The following KRT1 variants were observed in gnomAD, a reference collection of about 807,000 sequenced individuals.
KRT1 encodes the protein keratin, type II cytoskeletal 1.
Under a neutral mutation model 51.6 loss-of-function variants are expected in KRT1, and 28 were observed. The observed-to-expected ratio is 0.54, with a 90% confidence interval of 0.40 to 0.74. The LOEUF is 0.74. Among genes scored for constraint, KRT1 ranks in the 30% least tolerant of loss-of-function variants. The pLI, the probability that KRT1 is intolerant of heterozygous loss-of-function variation, is 0.00. For synonymous variants in KRT1, 301 were observed against 307.7 expected (o/e 0.98, Z 0.23); for missense variants, 783 against 815.5 (o/e 0.96, Z 0.49).
chr12:52,676,894 C>T (rs771384625), intron 6 of KRT1, among the ~76,000 whole-genome samples, 165 bp downstream of exon 6: 1 of 152,212 alleles, frequency 6.6e-6, no homozygotes, highest in Non-Finnish European at 1.5e-5. Context: ...GAGAACCCAG[C>T]ATGATGGCTG....
At chr12:52,676,939 A>C in intron 6 of KRT1, 120 bp downstream of exon 6, 1 of 1,336,706 alleles carries the variant, frequency 7.5e-7, no homozygotes, top group Non-Finnish European at 1.1e-6. Flanking sequence ...AAAAGGAACC[A>C]GGGATAATAA....
chr12:52,676,188 A>G, intron 7 of KRT1, 87 bp downstream of exon 7: 2 of 1,116,442 alleles, frequency 1.8e-6, no homozygotes, highest in Non-Finnish European at 2.7e-6. Flanking sequence ...ACAAGCTGCA[A>G]TCAGATGGCT....
intron 6 of KRT1, 77 bp downstream of exon 6, chr12:52,676,982 C>G: frequency 6.3e-7 from 1 of 1,578,266 alleles, no homozygotes; most frequent in Non-Finnish European, 8.6e-7. Context: ...AGATTCAAAA[C>G]TAGGAAAGCA....
rs1243164385 is a variant in KRT1, at chr12:52,680,167, C to A, written c.182G>T (p.Gly61Val). ...GTTAACAAGACTCCGACTTCCAAATCCACCACCAGCACCAAAGCTACCACC... is the reference window on the plus strand; with the variant it reads ...GTTAACAAGACTCCGACTTCCAAATACACCACCAGCACCAAAGCTACCACC... ...GGGGSFGAGG[G>V]FGSRSLVNLG... Residue 61 changes from glycine (G) to valine (V), a missense_variant, in exon 1 of 9, where the codon GGA (glycine) becomes GTA (valine). Gly to Val is a moderately radical substitution (Grantham distance 109). Coordinates refer to ENST00000252244, the MANE Select transcript of KRT1 (RefSeq NM_006121.4). 8 of 1,610,054 alleles carry A rather than the reference C, an allele frequency of 5.0e-6. No individual in the cohort carries two copies. In the African/African-American group the frequency reaches 1.1e-4, roughly 22 times the overall value.
At chr12:52,678,812 G>C in intron 1 of KRT1, 56 bp from the exon 2 acceptor site, 1 of 1,482,578 alleles carries the variant, frequency 6.7e-7, no homozygotes, top group Admixed American at 1.8e-5. Context: ...CATAGCCATG[G>C]AGAACTGTGC....
rs1288256987 is a variant in KRT1 at position 52,680,310 on chromosome 12, A to C, written c.39T>G (p.Ser13Arg). ...RQFSSRSGYR[S>R]GGGFSSGSAG... ...CAGAGCCAGAGCTGAAGCCCCCTCC[A>C]CTTCGGTACCCAGACCTGGAACTAA... Residue 13 changes from serine (S) to arginine (R), a missense_variant, in exon 1 of 9, where the codon AGT (serine) becomes AGG (arginine). By Grantham distance (110) the Ser-to-Arg change is moderately radical. Transcript: ENST00000252244. 6.2e-7 allele frequency: 1 copy of C among 1,614,064 alleles called. No homozygotes were observed. Among genetic ancestry groups the C allele is most frequent in the South Asian group, 1.1e-5 (1 of 91,074 alleles).
Position 52,678,236 on chromosome 12 carries a change from A to C in KRT1, c.807-13T>G. 1 of 1,613,788 alleles carries C rather than the reference A, an allele frequency of 6.2e-7. No homozygotes were observed. Among genetic ancestry groups the C allele is most frequent in the Non-Finnish European group, 8.5e-7 (1 of 1,179,846 alleles). On this transcript the variant is annotated splice_polypyrimidine_tract_variant and intron_variant, in intron 2 of 8. Coordinates refer to ENST00000252244, the MANE Select transcript of KRT1 (RefSeq NM_006121.4). ...TTCATCCTCATACCTGCAGGAAAGC[A>C]GAAACAATTAGGAGATTCAGAGGTG...
Position 52,678,523 on chromosome 12 carries a change from C to T in KRT1, c.806+19G>A. 1 of 1,612,430 alleles carries T rather than the reference C, an allele frequency of 6.2e-7. No individual in the cohort carries two copies. The highest frequency in any genetic ancestry group is 8.5e-7 in the Non-Finnish European group (1 of 1,178,436). ...CTTTTACAGCAAAAGTTAAGAACTGCCCAGACAGGGTCCCTTACTTGTTCC... is the reference window on the plus strand; with the variant it reads ...CTTTTACAGCAAAAGTTAAGAACTGTCCAGACAGGGTCCCTTACTTGTTCC... On this transcript the variant is annotated intron_variant, in intron 2 of 8. Transcript: ENST00000252244.
Position 52,679,919 on chromosome 12 carries a change from C to G in KRT1, c.430G>C (p.Gly144Arg). 6.2e-7 allele frequency: 1 copy of G among 1,613,870 alleles called. No individual in the cohort carries two copies. Among genetic ancestry groups the G allele is most frequent in the Non-Finnish European group, 8.5e-7 (1 of 1,179,912 alleles). The change falls in exon 1 of 9, where the codon GGT becomes CGT. Residue 144 changes from glycine (G) to arginine (R), a missense_variant. Physicochemically the swap from Gly to Arg is moderately radical, Grantham distance 125. Coordinates refer to ENST00000252244, the MANE Select transcript of KRT1 (RefSeq NM_006121.4). ...ATGCCACCAGGAGGGCAGACAGGACCATAACCACCCCCATATCCACCACCC... is the reference window on the plus strand; with the variant it reads ...ATGCCACCAGGAGGGCAGACAGGACGATAACCACCCCCATATCCACCACCC... ...FGGGGYGGGY[G>R]PVCPPGGIQE...
Position 52,676,265 on chromosome 12 carries a change from C to A in KRT1, c.1475+10G>T, listed in dbSNP as rs1170571162. The A allele has an allele frequency of 6.2e-7, 1 of 1,610,424 alleles. No individual in the cohort carries two copies. On this transcript the variant is annotated intron_variant, in intron 7 of 8. Coordinates refer to ENST00000252244, the MANE Select transcript of KRT1 (RefSeq NM_006121.4). ...GAGAAGAGGTTCGACTCCCAGCGTC[C>A]CTTCCTCACCTGCTTTCTTCTCCCT...
chr12:52,680,240 G>A lies in KRT1; in HGVS notation c.109C>T (p.Arg37Cys), dbSNP rs769301639. 36 of 1,614,018 alleles carry A rather than the reference G, an allele frequency of 2.2e-5. No individual in the cohort carries two copies. The highest frequency in any genetic ancestry group is 6.7e-5 in the East Asian group (3 of 44,898). The change falls in exon 1 of 9, where the codon CGC becomes TGC. Residue 37 changes from arginine (R) to cysteine (C), a missense_variant. Physicochemically the swap from Arg to Cys is radical, Grantham distance 180. Coordinates refer to ENST00000252244, the MANE Select transcript of KRT1 (RefSeq NM_006121.4). ...YQRRTTSSST[R>C]RSGGGGGRFS... ...CTCCCACCACCTCCTCCACTGCGGCGTGTGGAGCTGCTGGTGGTCCTGCGC... is the reference window on the plus strand; with the variant it reads ...CTCCCACCACCTCCTCCACTGCGGCATGTGGAGCTGCTGGTGGTCCTGCGC...
At position 52,675,072 on chromosome 12, in the gene KRT1, G is replaced by A; in HGVS notation, c.*121C>T. 8.0e-7 allele frequency: 1 copy of A among 1,255,086 alleles called. No individual in the cohort carries two copies. Among genetic ancestry groups the A allele is most frequent in the East Asian group, 2.3e-5 (1 of 43,122 alleles). 77.7% of individuals were successfully genotyped at this position (1,255,086 alleles called of 1,614,324 possible). ...AGAGCTGGGGGAATAGGATGAGCTA[G>A]TGTAACTAACCATAGCTCTTTTCTC... is the stretch of plus-strand genomic sequence containing the variant. On this transcript the variant is annotated 3_prime_UTR_variant, in exon 9 of 9. Coordinates refer to ENST00000252244, the MANE Select transcript of KRT1 (RefSeq NM_006121.4).
rs112384069 is a variant in KRT1 at position 52,677,587 on chromosome 12, G to T, written c.963+63C>A. Reference sequence around the variant, plus strand: ...AGATAAATATCTATTCTTCTGAATCGTTGTGGGTTCAGGCTTAAAAACTCT... The same window carrying T: ...AGATAAATATCTATTCTTCTGAATCTTTGTGGGTTCAGGCTTAAAAACTCT... On this transcript the variant is annotated intron_variant, in intron 4 of 8. Transcript: ENST00000252244. 30 of 1,602,554 alleles carry T rather than the reference G, an allele frequency of 1.9e-5. 1 individual carries two copies. In the African/African-American group the frequency reaches 2.3e-4, roughly 12 times the overall value.
In KRT1 at chr12:52,679,821, C is replaced by T. The variant is rs1299556421; in HGVS notation, c.528G>A (p.Val176=). The change falls in exon 1 of 9, where the codon GTG becomes GTA. Residue 176 remains valine, a synonymous_variant. Coordinates refer to ENST00000252244, the MANE Select transcript of KRT1 (RefSeq NM_006121.4). ...NVEIDPEIQK[V]KSREREQIKS... ...TGATTTGCTCCCTTTCTCGAGACTT[C>T]ACCTTTTGGATCTCAGGGTCAATCT... 1 of 1,614,046 alleles carries T rather than the reference C, an allele frequency of 6.2e-7. No individual in the cohort carries two copies. The highest frequency in any genetic ancestry group is 1.3e-5 in the African/African-American group (1 of 74,914).
chr12:52,676,158 T>G, intron 7 of KRT1, 117 bp downstream of exon 7: 3 of 898,986 alleles, frequency 3.3e-6, no homozygotes, highest in Non-Finnish European at 5.4e-6. Context: ...CCGTGTACTT[T>G]TCATTTCCCC....
At position 52,675,082 on chromosome 12, in the gene KRT1, C is replaced by T. The variant is rs1418294749; in HGVS notation, c.*111G>A. On this transcript the variant is annotated 3_prime_UTR_variant, in exon 9 of 9. Transcript: ENST00000252244. ...GAATAGGATGAGCTAGTGTAACTAACCATAGCTCTTTTCTCCGGTAAGGCT... is the reference window on the plus strand; with the variant it reads ...GAATAGGATGAGCTAGTGTAACTAATCATAGCTCTTTTCTCCGGTAAGGCT... The T allele has an allele frequency of 8.1e-6, 11 of 1,360,794 alleles. No individual in the cohort carries two copies. Among genetic ancestry groups the T allele is most frequent in the Non-Finnish European group, 1.2e-5 (11 of 951,122 alleles). The allele number at this position is 1,360,794 out of a possible 1,614,324, so 84.3% of individuals were successfully genotyped here. A position where few individuals can be genotyped will look rare whatever the true frequency, so the allele number is the denominator to read the frequency against.
Position 52,679,673 on chromosome 12 carries a change from G to A in KRT1, c.591+85C>T. ...TTTAATCATGTAAACATGGAAACTT[G>A]AGGTTCAAACCTACTGTGTTTTGAC... On this transcript the variant is annotated intron_variant, in intron 1 of 8. Transcript: ENST00000252244. 7.8e-6 allele frequency: 9 copies of A among 1,146,926 alleles called. No homozygotes were observed. The South Asian group carries it at 8.7e-5, about 11-fold the overall frequency. 71.0% of individuals were successfully genotyped at this position (1,146,926 alleles called of 1,614,324 possible).
In KRT1 at chr12:52,677,136, T is replaced by C; in HGVS notation, c.1177A>G (p.Asn393Asp). 1 of 1,614,176 alleles carries C rather than the reference T, an allele frequency of 6.2e-7. No individual in the cohort carries two copies. Among genetic ancestry groups the C allele is most frequent in the Non-Finnish European group, 8.5e-7 (1 of 1,180,046 alleles). Residue 393 changes from asparagine (N) to aspartate (D), a missense_variant, in exon 6 of 9, where the codon AAT (asparagine) becomes GAT (aspartate). Asn to Asp is a conservative substitution (Grantham distance 23, BLOSUM62 1). Transcript: ENST00000252244. Reference sequence around the variant, plus strand: ...AGCTCAGAAATTTCTATCTTTGAATTTCTCACACTATCCCCATGTCTGCCA... The same window carrying C: ...AGCTCAGAAATTTCTATCTTTGAATCTCTCACACTATCCCCATGTCTGCCA... ...TAGRHGDSVR[N>D]SKIEISELNR...
At position 52,679,985 on chromosome 12, in the gene KRT1, A is replaced by C; in HGVS notation, c.364T>G (p.Phe122Val). The change falls in exon 1 of 9, where the codon TTT becomes GTT. Residue 122 changes from phenylalanine to valine, a missense_variant. Coordinates refer to ENST00000252244, the MANE Select transcript of KRT1 (RefSeq NM_006121.4). ...CCAAAACCACCACCACCACTGCCAA[A>C]ACCACCAAAGCCACCACCCCCAATG... The part of the protein sequence containing the change: ...GGIGGGGFGG[F>V]GSGGGGFGGG... The C allele has an allele frequency of 6.3e-7, 1 of 1,599,054 alleles. No homozygotes were observed. The highest frequency in any genetic ancestry group is 8.5e-7 in the Non-Finnish European group (1 of 1,172,912).
Sources: gnomAD v4.1 joint callset for allele counts (sites outside exome capture counted in the v4.1 genomes callset) on GRCh38, gnomAD v4.1.1 for gene constraint, MANE v1.5 for transcripts, NCBI Gene and HGNC (gene_info 2026-07-23, HGNC 2026-07-21) for gene names.